The following AGBL2 variants were observed in gnomAD, a reference collection of about 807,000 sequenced individuals.
AGBL2 encodes the protein AGBL carboxypeptidase 2, also known as cytosolic carboxypeptidase 2.
Under a neutral mutation model 103.0 loss-of-function variants are expected in AGBL2, and 87 were observed. The observed-to-expected ratio is 0.84, with a 90% CI of 0.71 to 1.01. AGBL2 has a LOEUF of 1.01. Ranked by LOEUF, AGBL2 falls within the 50% of genes least tolerant of loss-of-function variation. AGBL2 has a pLI of 0.00. For synonymous variants in AGBL2, 335 were observed against 356.7 expected (o/e 0.94, Z 0.69); for missense variants, 904 against 1,023.5 (o/e 0.88, Z 1.59).
intron 14 of AGBL2, among the ~76,000 whole-genome samples, chr11:47,669,303 A>G (rs2097350218): frequency 6.6e-6 from 1 of 152,194 alleles, no homozygotes; most frequent in Non-Finnish European, 1.5e-5. Context: ...TTTGTGTTCA[A>G]GCGATCCTCT....
At chr11:47,692,324 G>C in intron 8 of AGBL2, 68 bp from the exon 9 acceptor site, 1 of 1,407,120 alleles carries the variant, frequency 7.1e-7, no homozygotes, top group South Asian at 1.2e-5. Context: ...ATACTTAAGT[G>C]GCCCCTCTAA....
At chr11:47,679,924 G>A (rs2153803563) in intron 13 of AGBL2, 49 bp downstream of exon 13, 2 of 1,234,906 alleles carry the variant, frequency 1.6e-6, no homozygotes, top group South Asian at 2.4e-5. Context: ...TTACAGGTGT[G>A]AGCCACCATG....
chr11:47,675,446 G>A (rs187287709), intron 14 of AGBL2, among the ~76,000 whole-genome samples: 57 of 136,456 alleles, frequency 4.2e-4, no homozygotes, highest in Admixed American at 1.6e-3. Flanking sequence ...ACGCAGTGGC[G>A]CAATCCCAGC....
intron 14 of AGBL2, among the ~76,000 whole-genome samples, chr11:47,674,439 C>T (rs1471717455): frequency 2.6e-5 from 4 of 151,714 alleles, no homozygotes; most frequent in East Asian, 3.9e-4. Flanking sequence ...TGGTGGCGTG[C>T]ACCTGTAGTC....
At chr11:47,665,141 A>T (rs973922784) in intron 17 of AGBL2, among the ~76,000 whole-genome samples, 7 of 150,936 alleles carry the variant, frequency 4.6e-5, no homozygotes, top group African/African-American at 1.7e-4. Context: ...TCTGCCTCCT[A>T]GGTTCAAGCA....
intron 10 of AGBL2, among the ~76,000 whole-genome samples, chr11:47,686,679 G>A (rs1389336790): frequency 3.3e-5 from 5 of 151,612 alleles, no homozygotes; most frequent in East Asian, 1.9e-4. Flanking sequence ...GTGTGACACT[G>A]GCCGGGCACG....
intron 10 of AGBL2, among the ~76,000 whole-genome samples, chr11:47,689,218 A>G (rs571500841): frequency 6.6e-6 from 1 of 152,166 alleles, no homozygotes; most frequent in Admixed American, 6.6e-5. Flanking sequence ...CTGGAACCAG[A>G]GAGAGAGCCT....
chr11:47,677,360 C>T lies in AGBL2; in HGVS notation c.2058G>A (p.Gln686=). The change falls in exon 14 of 19, where the codon CAG becomes CAA. Residue 686 remains glutamine (Q), a synonymous_variant. Coordinates refer to ENST00000525123, the MANE Select transcript of AGBL2 (RefSeq NM_024783.4). The part of the protein sequence containing the change: ...CLAELKELLR[Q]EIHKKFHELG... ...GTTCATGGAATTTCTTGTGGATTTC[C>T]TGTCGTAAAAGCTCCTTAAGCTCTG... The T allele has an allele frequency of 6.2e-7, 1 of 1,611,198 alleles. No individual in the cohort carries two copies. The highest frequency in any genetic ancestry group is 8.5e-7 in the Non-Finnish European group (1 of 1,178,492).
chr11:47,708,773 CA>C (rs2097528735), intron 4 of AGBL2, among the ~76,000 whole-genome samples: 1 of 147,740 alleles, frequency 6.8e-6, no homozygotes, highest in Non-Finnish European at 1.5e-5. Context: ...GAGATGGAGC[CA>C]CTGCACTCTA....
chr11:47,683,711 A>T (rs2097411528), intron 11 of AGBL2, among the ~76,000 whole-genome samples: 1 of 151,480 alleles, frequency 6.6e-6, no homozygotes. Flanking sequence ...GGTGGAGGTT[A>T]CAGTGAGCTG....
intron 7 of AGBL2, among the ~76,000 whole-genome samples, chr11:47,703,072 T>TA (rs1468369220): frequency 2.0e-5 from 3 of 152,208 alleles, no homozygotes; most frequent in South Asian, 2.1e-4. Context: ...CATAATGTCA[T>TA]AAAAAAGTCT....
At position 47,708,808 on chromosome 11, in the gene AGBL2, G is replaced by A. The variant is rs562387192; in HGVS notation, c.232+1569C>T. On this transcript the variant is annotated intron_variant, in intron 4 of 18. Coordinates refer to ENST00000525123, the MANE Select transcript of AGBL2 (RefSeq NM_024783.4). ...TAGCCTTTTGACAGAGCAAGACTCT[G>A]TCTCAAAAAAAAAAAAAAAATTATC... is the stretch of plus-strand genomic sequence containing the variant. 2.8e-5 allele frequency among the ~76,000 whole-genome samples: 4 copies of A among 145,454 alleles called. No homozygotes were observed. In the East Asian group the frequency reaches 8.0e-4, roughly 29 times the overall value.
chr11:47,704,739 G>A lies in AGBL2; in HGVS notation c.401-11C>T, dbSNP rs2097511472. ...TCAGCATATGTGAATCTGCCAAAGG[G>A]AAAGAGAGTAAGTGAACATCTTCCT... is the stretch of plus-strand genomic sequence containing the variant. On this transcript the variant is annotated splice_polypyrimidine_tract_variant and intron_variant, in intron 6 of 18. Transcript: ENST00000525123. The A allele has an allele frequency of 4.3e-6, 7 of 1,610,572 alleles. No homozygotes were observed. The South Asian group carries it at 4.4e-5, about 10-fold the overall frequency.
At chr11:47,680,327 G>C (rs904019125) in intron 12 of AGBL2, among the ~76,000 whole-genome samples, 1 of 152,054 alleles carries the variant, frequency 6.6e-6, no homozygotes, top group Non-Finnish European at 1.5e-5. Context: ...GGTGGTGGGC[G>C]CCTGTAGCCT....
chr11:47,685,962 G>C lies in AGBL2; in HGVS notation c.1719C>G (p.Asn573Lys). 1 of 1,613,948 alleles carries C rather than the reference G, an allele frequency of 6.2e-7. No homozygotes were observed. The highest frequency in any genetic ancestry group is 8.5e-7 in the Non-Finnish European group (1 of 1,179,914). The change falls in exon 11 of 19, where the codon AAC (asparagine) becomes AAG (lysine). Residue 573 changes from asparagine (N) to lysine (K), a missense_variant. Asn to Lys is a moderately conservative substitution (Grantham distance 94). Coordinates refer to ENST00000525123, the MANE Select transcript of AGBL2 (RefSeq NM_024783.4). ...KNNIFLYGCN[N>K]NNRKYWLHER... ...CATGAAGCCAGTATTTGCGATTGTT[G>C]TTATTACAGCCATACAGGAAGATAT...
At chr11:47,695,475 C>CAAAAA (rs56047450) in intron 8 of AGBL2, among the ~76,000 whole-genome samples, 4 of 76,166 alleles carry the variant, frequency 5.3e-5, no homozygotes, top group African/African-American at 1.6e-4. Context: ...AACTCTGTCT[C>CAAAAA]AAAAAAAAAA....
intron 7 of AGBL2, among the ~76,000 whole-genome samples, chr11:47,699,822 TAGCTGCTGCAAC>T (rs2097491092): frequency 6.6e-6 from 1 of 152,158 alleles, no homozygotes; most frequent in Non-Finnish European, 1.5e-5. Context: ...AAGGTCAATA[TAGCTGCTGCAAC>T]AGCTCTTCAA....
chr11:47,677,468 T>A (rs2097380122), intron 13 of AGBL2, 67 bp from the exon 14 acceptor site: 5 of 1,083,732 alleles, frequency 4.6e-6, no homozygotes, highest in Middle Eastern at 3.3e-4. Flanking sequence ...TATTATTATT[T>A]TTGAGACGGA....
chr11:47,667,237 T>C (rs1388756382), intron 16 of AGBL2, among the ~76,000 whole-genome samples, 174 bp from the exon 17 acceptor site: 1 of 152,224 alleles, frequency 6.6e-6, no homozygotes, highest in African/African-American at 2.4e-5. Flanking sequence ...TGTCTTAGCC[T>C]GGACCAGGCC....
Sources: gnomAD v4.1 joint callset for allele counts (sites outside exome capture counted in the v4.1 genomes callset) on GRCh38, gnomAD v4.1.1 for gene constraint, MANE v1.5 for transcripts, NCBI Gene and HGNC (gene_info 2026-07-23, HGNC 2026-07-21) for gene names.